Variants in WIPI1 observed in about 807,000 individuals in gnomAD.
WIPI1 encodes the protein WD repeat domain phosphoinositide-interacting protein 1.
WIPI1 carries 45 observed loss-of-function variants against 55.3 expected under a neutral mutation model. The observed-to-expected ratio is 0.81, with a 90% CI of 0.64 to 1.04. WIPI1 has a LOEUF of 1.04. Ranked by LOEUF, WIPI1 falls within the 50% of genes least tolerant of loss-of-function variation. WIPI1 has a pLI of 0.00. For missense variants in WIPI1, 445 were observed against 559.0 expected (o/e 0.80, Z 2.06); for synonymous variants, 195 against 217.6 (o/e 0.90, Z 0.92).
chr17:68,425,832 C>A, intron 12 of WIPI1: 1 of 425,834 alleles, frequency 2.3e-6, no homozygotes, highest in South Asian at 4.1e-5. Context: ...GCCACCAAGA[C>A]TCCCTGGATT....
chr17:68,455,196 T>C (rs1024169282), intron 1 of WIPI1, among the ~76,000 whole-genome samples: 2 of 151,988 alleles, frequency 1.3e-5, no homozygotes, highest in African/African-American at 4.8e-5. Context: ...ACCCCGTCTC[T>C]ACTAAAAATA....
chr17:68,435,009 C>G (rs1308398456), intron 6 of WIPI1, among the ~76,000 whole-genome samples: 1 of 152,104 alleles, frequency 6.6e-6, no homozygotes, highest in African/African-American at 2.4e-5. Flanking sequence ...CAAGACCAGC[C>G]TGGGCAACAC....
intron 11 of WIPI1, 72 bp from the exon 12 acceptor site, chr17:68,426,247 A>AGGGGGGGGGGGGGG: frequency 3.0e-6 from 2 of 655,814 alleles, no homozygotes; most frequent in East Asian, 4.3e-5. Context: ...GCGGGTGGGG[A>AGGGGGGGGGGGGGG]GCGGGGGCTC....
intron 2 of WIPI1, among the ~76,000 whole-genome samples, chr17:68,452,637 AT>A (rs2084539725): frequency 6.6e-6 from 1 of 152,254 alleles, no homozygotes; most frequent in Non-Finnish European, 1.5e-5. Flanking sequence ...GACTGTGCAT[AT>A]AAGCATGTGA....
At chr17:68,428,717 C>A in intron 10 of WIPI1, 112 bp downstream of exon 10, 2 of 795,946 alleles carry the variant, frequency 2.5e-6, no homozygotes, top group East Asian at 2.7e-5. Flanking sequence ...ACTGAGACTG[C>A]CAGTGAAGAA....
intron 3 of WIPI1, 26 bp from the exon 4 acceptor site, chr17:68,444,615 T>C (rs377575794): frequency 6.3e-7 from 1 of 1,591,840 alleles, no homozygotes; most frequent in African/African-American, 1.3e-5. Context: ...CTTATCAGTC[T>C]ACCGAACCGT....
At chr17:68,449,250 A>T (rs1273620512) in intron 3 of WIPI1, among the ~76,000 whole-genome samples, 1 of 152,242 alleles carries the variant, frequency 6.6e-6, no homozygotes, top group Non-Finnish European at 1.5e-5. Context: ...CAGTCAGGAA[A>T]CAGATATTTA....
At chr17:68,426,253 G>GGGGCCCCCCCC in intron 11 of WIPI1, 78 bp from the exon 12 acceptor site, 1 of 841,018 alleles carries the variant, frequency 1.2e-6, no homozygotes, top group Non-Finnish European at 1.9e-6. Context: ...GGGGAGCGGG[G>GGGGCCCCCCCC]GCTCAAATAA....
At chr17:68,442,493 T>A (rs1195865789) in intron 4 of WIPI1, among the ~76,000 whole-genome samples, 5 of 148,176 alleles carry the variant, frequency 3.4e-5, no homozygotes, top group African/African-American at 1.2e-4. Context: ...AGGAGAAACA[T>A]CTGTTTGCAA....
chr17:68,449,134 C>T (rs1267585036), intron 3 of WIPI1, among the ~76,000 whole-genome samples: 1 of 152,158 alleles, frequency 6.6e-6, no homozygotes, highest in South Asian at 2.1e-4. Flanking sequence ...CAGAAGAAAA[C>T]ATTGTCCTCA....
Position 68,457,355 on chromosome 17 carries a change from T to A in WIPI1, c.67A>T (p.Asn23Tyr), listed in dbSNP as rs1481544065. Residue 23 changes from asparagine to tyrosine, a missense_variant, in exon 1 of 13, where the codon AAC becomes TAC. Coordinates refer to ENST00000262139, the MANE Select transcript of WIPI1 (RefSeq NM_017983.7). ...VESALSCFSFNQDCTSLATGT... is the reference protein window; with the variant it reads ...VESALSCFSFYQDCTSLATGT... ...GTCGCAGCTTACGTGCAGTCCTGGTTGAAAGAGAAGCAGCTGAGCGCCGAC... is the reference window on the plus strand; with the variant it reads ...GTCGCAGCTTACGTGCAGTCCTGGTAGAAAGAGAAGCAGCTGAGCGCCGAC... 20 of 1,544,522 alleles carry A rather than the reference T, an allele frequency of 1.3e-5. No homozygotes were observed. Among genetic ancestry groups the A allele is most frequent in the Non-Finnish European group, 1.7e-5 (20 of 1,145,534 alleles).
intron 8 of WIPI1, among the ~76,000 whole-genome samples, chr17:68,431,508 A>G (rs2083510485): frequency 6.6e-6 from 1 of 152,128 alleles, no homozygotes; most frequent in Non-Finnish European, 1.5e-5. Context: ...CTGGGACTTC[A>G]TTCCCAAGGT....
intron 3 of WIPI1, among the ~76,000 whole-genome samples, chr17:68,447,143 C>T (rs1413560206): frequency 2.0e-5 from 3 of 152,198 alleles, no homozygotes; most frequent in African/African-American, 7.2e-5. Context: ...TTTATAGCAT[C>T]TGCCCTAGAA....
rs1027746355 is a variant in WIPI1 at position 68,431,275 on chromosome 17, T to C, written c.801-1115A>G. ...GAGGCGGATGAGGTTCCTTAACGTT[T>C]CCGTGTCCAGATTTCCTCATTTGGG... On this transcript the variant is annotated intron_variant, in intron 8 of 12. Coordinates refer to ENST00000262139, the MANE Select transcript of WIPI1 (RefSeq NM_017983.7). 5.3e-5 allele frequency among the ~76,000 whole-genome samples: 8 copies of C among 152,176 alleles called. 1 individual carries two copies. The South Asian group carries it at 1.7e-3, about 32-fold the overall frequency.
At chr17:68,437,309 C>A (rs1322444831) in intron 4 of WIPI1, among the ~76,000 whole-genome samples, 3 of 152,042 alleles carry the variant, frequency 2.0e-5, no homozygotes, top group East Asian at 3.9e-4. Flanking sequence ...GATCCCAGCA[C>A]TTTGGCAGGC....
intron 12 of WIPI1, 191 bp downstream of exon 12, chr17:68,425,884 C>A: frequency 3.5e-6 from 2 of 569,830 alleles, no homozygotes; most frequent in Non-Finnish European, 6.2e-6. Context: ...TAGCTCGACA[C>A]CTAAAGCCTA....
rs892161360 is a variant in WIPI1, at chr17:68,427,160, A to G, written c.1167T>C (p.Ser389=). 12 of 1,614,036 alleles carry G rather than the reference A, an allele frequency of 7.4e-6. No individual in the cohort carries two copies. Among genetic ancestry groups the G allele is most frequent in the Admixed American group, 3.3e-5 (2 of 60,002 alleles). ...QSYAATVARP[S]ASSASTVPGY... Reference sequence around the variant, plus strand: ...CTGGCACCGTGGAGGCTGAAGATGCACTTGGTCTGGCTACGGTCGCTGCAT... The same window carrying G: ...CTGGCACCGTGGAGGCTGAAGATGCGCTTGGTCTGGCTACGGTCGCTGCAT... Residue 389 remains serine (S), a synonymous_variant, in exon 11 of 13, where the codon AGT becomes AGC. Coordinates refer to ENST00000262139, the MANE Select transcript of WIPI1 (RefSeq NM_017983.7).
intron 4 of WIPI1, among the ~76,000 whole-genome samples, chr17:68,441,870 C>A (rs2147938052): frequency 6.6e-6 from 1 of 152,306 alleles, no homozygotes; most frequent in African/African-American, 2.4e-5. Flanking sequence ...CAAAGAACAT[C>A]AGAGGTCTAA....
chr17:68,451,576 T>C (rs2084501195), intron 2 of WIPI1, among the ~76,000 whole-genome samples: 2 of 152,228 alleles, frequency 1.3e-5, no homozygotes, highest in Non-Finnish European at 2.9e-5. Flanking sequence ...GTTTGGAATA[T>C]TTGAACAATT....
Sources: allele counts gnomAD v4.1 joint callset (sites outside exome capture counted in the v4.1 genomes callset), GRCh38; gene constraint gnomAD v4.1.1; transcripts MANE v1.5; gene names NCBI Gene and HGNC (gene_info 2026-07-23, HGNC 2026-07-21).